QKI: variants seen among roughly 807,000 people sequenced by gnomAD.
QKI encodes KH domain-containing RNA-binding protein QKI.
Under a neutral mutation model 39.0 loss-of-function variants are expected in QKI, and 10 were observed. That is an observed-to-expected ratio of 0.26 (90% CI 0.16 to 0.43). QKI has a LOEUF of 0.43. Among genes scored for constraint, QKI ranks in the 20% least tolerant of loss-of-function variants. The pLI is 1.00. For missense variants in QKI, 218 were observed against 428.0 expected (o/e 0.51, Z 4.33); for synonymous variants, 204 against 155.4 (o/e 1.31, Z -2.33).
At chr6:163,542,009 A>G (rs1349814610) in intron 4 of QKI, among the ~76,000 whole-genome samples, 3 of 151,916 alleles carry the variant, frequency 2.0e-5, no homozygotes, top group Admixed American at 6.6e-5. Context: ...TGCAAGTTCA[A>G]TTTGTGATCC....
intron 6 of QKI, chr6:163,565,508 T>G (rs747068592): frequency 1.1e-4 from 109 of 988,382 alleles, no homozygotes; most frequent in Non-Finnish European, 1.3e-4. Flanking sequence ...GCAGTAAAAC[T>G]TGTTTCTCAT....
intron 3 of QKI, among the ~76,000 whole-genome samples, chr6:163,519,919 T>C (rs1253299680): frequency 3.9e-5 from 6 of 152,120 alleles, no homozygotes; most frequent in Admixed American, 6.6e-5. Context: ...TAAGGGGAAG[T>C]GGGCCAAAGA....
intron 4 of QKI, among the ~76,000 whole-genome samples, chr6:163,547,205 G>A (rs764445926): frequency 6.6e-6 from 1 of 151,978 alleles, no homozygotes; most frequent in African/African-American, 2.4e-5. Flanking sequence ...TCTTTCAAGC[G>A]TTGAACGACT....
chr6:163,422,196 G>A (rs1337626307), intron 1 of QKI, among the ~76,000 whole-genome samples: 1 of 151,998 alleles, frequency 6.6e-6, no homozygotes, highest in African/African-American at 2.4e-5. Context: ...TGCACTTAAT[G>A]TTTTCGTCTT....
At chr6:163,555,923 T>A (rs1782568103) in intron 4 of QKI, among the ~76,000 whole-genome samples, 1 of 152,164 alleles carries the variant, frequency 6.6e-6, no homozygotes, top group Non-Finnish European at 1.5e-5. Flanking sequence ...AAAAGATACT[T>A]CCACTTAAAG....
chr6:163,539,391 C>T (rs903997444), intron 4 of QKI, among the ~76,000 whole-genome samples: 5 of 152,056 alleles, frequency 3.3e-5, no homozygotes, highest in African/African-American at 1.2e-4. Flanking sequence ...GAAAAAGAAC[C>T]GGGATTTTTT....
chr6:163,469,526 G>A (rs1792027540), intron 2 of QKI, among the ~76,000 whole-genome samples: 1 of 152,118 alleles, frequency 6.6e-6, no homozygotes, highest in Non-Finnish European at 1.5e-5. Flanking sequence ...TATAGTAGAG[G>A]CATTTTCACA....
chr6:163,523,882 AAT>A (rs1393626764), intron 3 of QKI, among the ~76,000 whole-genome samples: 1 of 152,202 alleles, frequency 6.6e-6, no homozygotes, highest in African/African-American at 2.4e-5. Context: ...TGTACACTGG[AAT>A]ATTAAAGTAT....
chr6:163,447,909 C>A (rs925152574), intron 1 of QKI, among the ~76,000 whole-genome samples: 14 of 152,136 alleles, frequency 9.2e-5, no homozygotes, highest in Admixed American at 7.9e-4. Flanking sequence ...AACATGAAAG[C>A]GAAATAGTCC....
chr6:163,457,510 GTTCAAGCCCC>G (rs1453853564), intron 2 of QKI: 3 of 454,342 alleles, frequency 6.6e-6, no homozygotes, highest in Non-Finnish European at 1.3e-5. Flanking sequence ...AACTGTAAAT[GTTCAAGCCCC>G]TTTCCATACT....
At chr6:163,563,958 GTTGTGTACATTTCAACAAATACT>G in intron 6 of QKI, 7 of 1,372,386 alleles carry the variant, frequency 5.1e-6, no homozygotes, top group Non-Finnish European at 6.5e-6. Flanking sequence ...GGGTAAATCT[GTTGTGTACATTTCAACAAATACT>G]TTTACATTTG....
At chr6:163,473,333 G>A (rs1792345261) in intron 2 of QKI, among the ~76,000 whole-genome samples, 1 of 152,120 alleles carries the variant, frequency 6.6e-6, no homozygotes, top group African/African-American at 2.4e-5. Flanking sequence ...TCACCACTAC[G>A]TTGTATTGGC....
chr6:163,516,002 A>C (rs908286823), intron 3 of QKI, among the ~76,000 whole-genome samples: 4 of 132,798 alleles, frequency 3.0e-5, no homozygotes, highest in Non-Finnish European at 4.8e-5. Context: ...CAAATCTGTC[A>C]CCTCATTGTG....
intron 1 of QKI, among the ~76,000 whole-genome samples, chr6:163,434,673 C>T (rs1156565790): frequency 6.6e-6 from 1 of 151,524 alleles, no homozygotes; most frequent in African/African-American, 2.4e-5. Context: ...CAGGATCGTG[C>T]CACTGCACTC....
intron 6 of QKI, chr6:163,565,730 A>G: frequency 8.1e-7 from 1 of 1,229,292 alleles, no homozygotes; most frequent in Non-Finnish European, 1.0e-6. Context: ...CCACTTGGAG[A>G]ACTCAGAAAA....
At chr6:163,426,729 C>T (rs775694086) in intron 1 of QKI, among the ~76,000 whole-genome samples, 7 of 152,102 alleles carry the variant, frequency 4.6e-5, no homozygotes, top group Admixed American at 3.3e-4. Flanking sequence ...AAATACATTG[C>T]GATTTTGAAG....
intron 3 of QKI, among the ~76,000 whole-genome samples, chr6:163,526,138 T>C (rs1303254995): frequency 6.6e-6 from 1 of 152,030 alleles, no homozygotes; most frequent in Non-Finnish European, 1.5e-5. Context: ...AAAGAAAAAA[T>C]AGTAGAATGG....
At chr6:163,542,321 C>A (rs1445621526) in intron 4 of QKI, among the ~76,000 whole-genome samples, 2 of 151,982 alleles carry the variant, frequency 1.3e-5, no homozygotes, top group African/African-American at 4.8e-5. Context: ...TATATGGATA[C>A]ATATTCTATG....
intron 1 of QKI, among the ~76,000 whole-genome samples, chr6:163,424,944 T>G (rs1412706284): frequency 6.6e-6 from 1 of 152,228 alleles, no homozygotes; most frequent in African/African-American, 2.4e-5. Context: ...GTCATCTGCT[T>G]TCTATCAACA....
Sources: allele counts gnomAD v4.1 joint callset (sites outside exome capture counted in the v4.1 genomes callset), GRCh38; gene constraint gnomAD v4.1.1; transcripts MANE v1.5; gene names NCBI Gene and HGNC (gene_info 2026-07-23, HGNC 2026-07-21).